PRDM2: variants seen among roughly 807,000 people sequenced by gnomAD.
PRDM2 encodes the protein PR domain zinc finger protein 2.
In PRDM2, 30 loss-of-function variants were observed where a neutral mutation model predicts 130.0. The ratio of observed to expected loss-of-function variants is 0.23; its 90% CI spans 0.17 to 0.31. PRDM2 has a LOEUF of 0.31. PRDM2 is among the 10% of genes least tolerant of loss of function. The pLI, the probability that PRDM2 is intolerant of heterozygous loss-of-function variation, is 1.00. For missense variants in PRDM2, 2,011 were observed against 2,108.4 expected (o/e 0.95, Z 0.90); for synonymous variants, 871 against 782.4 (o/e 1.11, Z -1.89).
intron 8 of PRDM2, among the ~76,000 whole-genome samples, chr1:13,794,556 C>A (rs976230710): frequency 4.6e-5 from 7 of 152,136 alleles, no homozygotes; most frequent in Admixed American, 2.6e-4. Context: ...ATGCAAGTTA[C>A]TCAACCTCTC....
chr1:13,795,215 A>T (rs1039620195), intron 8 of PRDM2, among the ~76,000 whole-genome samples: 1 of 152,232 alleles, frequency 6.6e-6, no homozygotes, highest in African/African-American at 2.4e-5. Flanking sequence ...CTGAAACAAT[A>T]ATAATGTAAG....
At chr1:13,719,792 T>G (rs976568469) in intron 2 of PRDM2, among the ~76,000 whole-genome samples, 216 of 152,362 alleles carry the variant, frequency 1.4e-3, no homozygotes, top group Non-Finnish European at 2.8e-3. Flanking sequence ...TTGATTTTTT[T>G]TTTCCCATCG....
At chr1:13,718,573 A>G (rs1642621141) in intron 2 of PRDM2, among the ~76,000 whole-genome samples, 1 of 152,112 alleles carries the variant, frequency 6.6e-6, no homozygotes, top group South Asian at 2.1e-4. Context: ...CCCGACCTAC[A>G]TATTCTTTGC....
At position 13,739,493 on chromosome 1, in the gene PRDM2, A is replaced by T. The variant is rs536401543; in HGVS notation, c.232-2512A>T. 1.6e-4 allele frequency among the ~76,000 whole-genome samples: 25 copies of T among 152,340 alleles called. No homozygotes were observed. In the South Asian group the frequency reaches 5.0e-3, roughly 30 times the overall value. ...AAAAAATTTTCAAGTATATAGGTATATCTAACAGGAAATAAATCGTGCCAT... is the reference window on the plus strand; with the variant it reads ...AAAAAATTTTCAAGTATATAGGTATTTCTAACAGGAAATAAATCGTGCCAT... On this transcript the variant is annotated intron_variant, in intron 4 of 9. Coordinates refer to ENST00000311066, the MANE Select transcript of PRDM2 (RefSeq NM_001393986.1).
intron 4 of PRDM2, among the ~76,000 whole-genome samples, chr1:13,739,647 C>T (rs1643379741): frequency 6.6e-6 from 1 of 152,168 alleles, no homozygotes. Context: ...AAGCAATTTA[C>T]AGTAAACCAC....
chr1:13,765,461 G>T (rs1644202859), intron 6 of PRDM2, among the ~76,000 whole-genome samples: 1 of 151,730 alleles, frequency 6.6e-6, no homozygotes, highest in Non-Finnish European at 1.5e-5. Context: ...GCATCACTTG[G>T]CTATTCTTTT....
rs1645260944 is a variant in PRDM2, at chr1:13,816,529, A to G, written c.5139A>G (p.Gly1713=). The G allele has an allele frequency of 6.2e-7, 1 of 1,614,104 alleles. No individual in the cohort carries two copies. The highest frequency in any genetic ancestry group is 8.5e-7 in the Non-Finnish European group (1 of 1,180,000). ...CTCCAGCTGCAGCCCAGTTCCAGGG[A>G]CCATTCTTCAAAGAGTAGACACTCT... ...VKAPAAAQFQ[G]PFFKE The change falls in exon 9 of 10, where the codon GGA becomes GGG. Residue 1713 remains glycine (G), a synonymous_variant. Coordinates refer to ENST00000311066, the MANE Select transcript of PRDM2 (RefSeq NM_001393986.1).
chr1:13,768,442 C>T (rs965399411), intron 6 of PRDM2, among the ~76,000 whole-genome samples: 5 of 136,844 alleles, frequency 3.7e-5, no homozygotes, highest in Non-Finnish European at 6.3e-5. Flanking sequence ...TGCAGTGGCA[C>T]GATCTCGGCT....
chr1:13,708,287 G>T (rs1233852916), intron 1 of PRDM2, among the ~76,000 whole-genome samples: 2 of 152,022 alleles, frequency 1.3e-5, no homozygotes, highest in African/African-American at 4.8e-5. Flanking sequence ...TAGCATATCA[G>T]CAGGTCCCTT....
chr1:13,736,406 G>A (rs1643275002), intron 4 of PRDM2, among the ~76,000 whole-genome samples: 1 of 152,116 alleles, frequency 6.6e-6, no homozygotes, highest in Non-Finnish European at 1.5e-5. Context: ...ACAGGTGCGA[G>A]CCACTGCACC....
chr1:13,746,795 G>A (rs575281488), intron 5 of PRDM2, among the ~76,000 whole-genome samples: 5 of 152,288 alleles, frequency 3.3e-5, no homozygotes, highest in African/African-American at 7.2e-5. Flanking sequence ...GCGCTCAAGC[G>A]ATTCGCCTGC....
rs148083107 is a variant in PRDM2, at chr1:13,782,528, C to A, written c.4733C>A (p.Pro1578Gln). Residue 1578 changes from proline to glutamine, a missense_variant, in exon 8 of 10, where the codon CCG becomes CAG. Around this residue, in one of 5 missense-constraint regions of PRDM2, gnomAD observed 410 missense variants for 395.9 expected, o/e 1.04. Transcript: ENST00000311066. ...PSSSSLRNSS[P>Q]IRMAKITHVE... is the part of the protein sequence containing the mutation. ...TCCTCCTCTTTAAGGAACTCCAGCC[C>A]GATAAGAATGGCCAAAATAACTCAT... 1 of 1,614,030 alleles carries A rather than the reference C, an allele frequency of 6.2e-7. No homozygotes were observed. Among genetic ancestry groups the A allele is most frequent in the Non-Finnish European group, 8.5e-7 (1 of 1,180,016 alleles).
At chr1:13,804,507 G>A (rs540728361) in intron 8 of PRDM2, among the ~76,000 whole-genome samples, 2 of 152,296 alleles carry the variant, frequency 1.3e-5, no homozygotes, top group South Asian at 4.2e-4. Context: ...TCTGCATGCA[G>A]ATGCCTCTCC....
In PRDM2 at chr1:13,772,695, C is replaced by G. The variant is rs1028733077; in HGVS notation, c.512-383C>G. ...CTGTTTTTCTCTAATATGCTTCTTA[C>G]AAATAGCCAATCCCTATTAGCTGTG... On this transcript the variant is annotated intron_variant, in intron 6 of 9. Coordinates refer to ENST00000311066, the MANE Select transcript of PRDM2 (RefSeq NM_001393986.1). Among the ~76,000 whole-genome samples, 32 of 152,170 alleles carry G rather than the reference C, an allele frequency of 2.1e-4. 1 individual carries two copies. Among genetic ancestry groups the G allele is most frequent in the Admixed American group, 2.1e-3 (32 of 15,278 alleles).
At position 13,782,427 on chromosome 1, in the gene PRDM2, C is replaced by T; in HGVS notation, c.4632C>T (p.Val1544=). 3.1e-6 allele frequency: 5 copies of T among 1,613,952 alleles called. No homozygotes were observed. Among genetic ancestry groups the T allele is most frequent in the Non-Finnish European group, 4.2e-6 (5 of 1,180,018 alleles). ...CCCGCAGCTCAGGCCCCACCCAAGT[C>T]CCACTTCCCTCCTCATCCTTCAGGT... ...TRARSSGPTQ[V]PLPSSSFRSK... The change falls in exon 8 of 10, where the codon GTC becomes GTT. Residue 1544 remains valine (V), a synonymous_variant. Transcript: ENST00000311066.
intron 7 of PRDM2, among the ~76,000 whole-genome samples, chr1:13,775,264 T>C (rs762973993): frequency 6.6e-6 from 1 of 152,248 alleles, no homozygotes; most frequent in South Asian, 2.1e-4. Flanking sequence ...TGGGATTGTT[T>C]ACCAGTCATG....
intron 4 of PRDM2, among the ~76,000 whole-genome samples, chr1:13,738,161 A>C (rs537668457): frequency 1.3e-5 from 2 of 152,212 alleles, no homozygotes; most frequent in Non-Finnish European, 2.9e-5. Flanking sequence ...TTAGAATATT[A>C]GTCCTGGAAT....
Position 13,778,464 on chromosome 1 carries a change from G to A in PRDM2, c.669G>A (p.Gln223=). 1 of 1,613,884 alleles carries A rather than the reference G, an allele frequency of 6.2e-7. No individual in the cohort carries two copies. The highest frequency in any genetic ancestry group is 1.1e-5 in the South Asian group (1 of 91,056). Residue 223 remains glutamine (Q), a synonymous_variant, in exon 8 of 10, where the codon CAG becomes CAA. Transcript: ENST00000311066. ...EEKPSASALE[Q]PATLQEVASQ... is the part of the protein sequence containing the mutation. The stretch of plus-strand genomic sequence containing the variant: ...AGCCTTCAGCCTCAGCACTTGAGCA[G>A]CCGGCCACCCTCCAGGAGGTGGCCA...
chr1:13,718,804 CATT>C (rs1642631565), intron 2 of PRDM2, among the ~76,000 whole-genome samples: 1 of 152,102 alleles, frequency 6.6e-6, no homozygotes. Flanking sequence ...CTACTTGCTT[CATT>C]AACGTTCCAC....
Sources: gnomAD v4.1 joint callset for allele counts (sites outside exome capture counted in the v4.1 genomes callset) on GRCh38, gnomAD v4.1.1 for gene constraint, gnomAD v4.1.1 regional missense constraint, MANE v1.5 for transcripts, NCBI Gene and HGNC (gene_info 2026-07-23, HGNC 2026-07-21) for gene names.